Variants in DHRSX observed in about 807,000 individuals in gnomAD.
DHRSX encodes polyprenol dehydrogenase.
Under a neutral mutation model 34.0 loss-of-function variants are expected in DHRSX, and 31 were observed. The observed-to-expected ratio is 0.91, with a 90% CI of 0.69 to 1.23. The LOEUF (loss-of-function observed/expected upper bound fraction) is 1.23, where lower values mean the gene tolerates loss of function less well. Among genes scored for constraint, DHRSX ranks in the 50% most tolerant of loss-of-function variants. DHRSX has a pLI of 0.00. For synonymous variants in DHRSX, 201 were observed against 183.8 expected (o/e 1.09, Z -0.76); for missense variants, 414 against 428.1 (o/e 0.97, Z 0.29).
At chrX:2,485,685 GGAGGC>G in intron 1 of DHRSX, among the ~76,000 whole-genome samples, 2 of 80,216 alleles carry the variant, frequency 2.5e-5, no homozygotes, top group South Asian at 9.7e-4. Context: ...GGGAGGAAAG[GGAGGC>G]AGAGAGGGAG....
chrX:2,440,545 T>TG (rs2044049941), intron 1 of DHRSX, among the ~76,000 whole-genome samples: 1 of 151,658 alleles, frequency 6.6e-6, no homozygotes, highest in African/African-American at 2.4e-5. Flanking sequence ...TTTTTTTTTT[T>TG]GAAACGGAGT....
intron 1 of DHRSX, among the ~76,000 whole-genome samples, chrX:2,484,543 G>A (rs950346560): frequency 1.3e-5 from 2 of 152,152 alleles, no homozygotes; most frequent in African/African-American, 2.4e-5. Flanking sequence ...GAAGAAACGA[G>A]CCAAACCCTG....
At chrX:2,371,145 C>T (rs2043053705) in intron 3 of DHRSX, among the ~76,000 whole-genome samples, 1 of 151,728 alleles carries the variant, frequency 6.6e-6, no homozygotes, top group South Asian at 2.1e-4. Context: ...ACCATAGTCC[C>T]CCCTCCTCCA....
chrX:2,311,248 C>G (rs187236005), intron 3 of DHRSX, among the ~76,000 whole-genome samples: 12 of 151,768 alleles, frequency 7.9e-5, no homozygotes, highest in East Asian at 3.9e-4. Flanking sequence ...GAGAGACATA[C>G]AGAGAGAGAA....
intron 3 of DHRSX, among the ~76,000 whole-genome samples, chrX:2,307,780 T>A (rs1305662303): frequency 6.1e-4 from 66 of 108,372 alleles, no homozygotes; most frequent in Non-Finnish European, 1.2e-3. Flanking sequence ...AAAAAAAAAG[T>A]AATAAAAATA....
intron 1 of DHRSX, 39 bp downstream of exon 1, chrX:2,500,778 G>C (rs2045407958): frequency 1.3e-4 from 59 of 450,742 alleles, no homozygotes; most frequent in Middle Eastern, 2.2e-3. Context: ...GCGCCCACCC[G>C]GGTCCCCGGA....
intron 1 of DHRSX, chrX:2,488,957 A>T: frequency 6.3e-7 from 1 of 1,596,950 alleles, no homozygotes; most frequent in Non-Finnish European, 8.5e-7. Context: ...CCACCACTTG[A>T]GGGGGTCTTC....
rs774909940 is a variant in DHRSX, at chrX:2,395,316, C to T, written c.286+13429G>A. Among the ~76,000 whole-genome samples the T allele has an allele frequency of 2.6e-5, 4 of 152,308 alleles. No individual in the cohort carries two copies. The South Asian group carries it at 6.2e-4, about 24-fold the overall frequency. ...GAGGGTGTCACAGATCAGCACCCAA[C>T]ACACCTCGGCCACTGGGGCCAGCCA... On this transcript the variant is annotated intron_variant, in intron 3 of 6. Coordinates refer to ENST00000334651, the MANE Select transcript of DHRSX (RefSeq NM_145177.3).
intron 1 of DHRSX, chrX:2,490,471 C>T (rs765735279): frequency 9.3e-6 from 15 of 1,613,874 alleles, no homozygotes; most frequent in African/African-American, 2.7e-5. Context: ...GCATCTGCTC[C>T]GTGTTGCTCT....
At chrX:2,348,368 G>T (rs1381991946) in intron 3 of DHRSX, among the ~76,000 whole-genome samples, 1 of 152,170 alleles carries the variant, frequency 6.6e-6, no homozygotes, top group Non-Finnish European at 1.5e-5. Context: ...GTCGCTTGCA[G>T]CCAGGGTTTT....
intron 1 of DHRSX, among the ~76,000 whole-genome samples, chrX:2,479,930 G>T (rs1434416604): frequency 1.3e-5 from 2 of 152,212 alleles, no homozygotes; most frequent in African/African-American, 4.8e-5. Context: ...TGGACACTGG[G>T]AAGACGTTCA....
intron 3 of DHRSX, among the ~76,000 whole-genome samples, chrX:2,401,726 C>T (rs1245160111): frequency 1.3e-5 from 2 of 152,086 alleles, no homozygotes; most frequent in Non-Finnish European, 2.9e-5. Flanking sequence ...GGAGGAGTTT[C>T]GGTAAGTGAA....
intron 5 of DHRSX, among the ~76,000 whole-genome samples, chrX:2,246,878 C>T (rs970875772): frequency 1.3e-5 from 2 of 152,092 alleles, no homozygotes; most frequent in East Asian, 3.9e-4. Context: ...AAGATCAAAG[C>T]AAATGAGAAA....
At chrX:2,382,159 C>T (rs1267133948) in intron 3 of DHRSX, among the ~76,000 whole-genome samples, 2 of 152,162 alleles carry the variant, frequency 1.3e-5, no homozygotes, top group Non-Finnish European at 2.9e-5. Flanking sequence ...TCCATTCCCT[C>T]TTTCTGGGCT....
rs1264716960 is a variant in DHRSX at position 2,317,546 on chromosome X, G to A, written c.287-25943C>T. On this transcript the variant is annotated intron_variant, in intron 3 of 6. Coordinates refer to ENST00000334651, the MANE Select transcript of DHRSX (RefSeq NM_145177.3). ...GGATTACAGGCGTGAGCCACTGCGT[G>A]CGGCCCTGTGCTTTTTCCAAGGATG... Among the ~76,000 whole-genome samples the A allele has an allele frequency of 2.0e-5, 3 of 152,052 alleles. No individual in the cohort carries two copies. The East Asian group carries it at 5.8e-4, about 29-fold the overall frequency.
intron 6 of DHRSX, among the ~76,000 whole-genome samples, chrX:2,225,439 T>C (rs1222087534): frequency 6.6e-6 from 1 of 152,310 alleles, no homozygotes; most frequent in East Asian, 1.9e-4. Context: ...TGCATACTTA[T>C]ACACATGCAA....
chrX:2,296,672 T>C (rs112661627), intron 3 of DHRSX, among the ~76,000 whole-genome samples: 1 of 3,160 alleles, frequency 3.2e-4, no homozygotes, highest in Non-Finnish European at 6.8e-4. Flanking sequence ...CCCAGGCAGA[T>C]AGGAATAGGA....
In DHRSX at chrX:2,336,639, G is replaced by A. The variant is rs768403741; in HGVS notation, c.287-45036C>T. ...TTTGAGACGGAGTTTTGCTGTTGTT[G>A]CCCAGGCTGGAGTGCAAAGGCATGA... On this transcript the variant is annotated intron_variant, in intron 3 of 6. Coordinates refer to ENST00000334651, the MANE Select transcript of DHRSX (RefSeq NM_145177.3). Among the ~76,000 whole-genome samples, 4 of 145,278 alleles carry A rather than the reference G, an allele frequency of 2.8e-5. No homozygotes were observed. The East Asian group carries it at 8.1e-4, about 30-fold the overall frequency.
At chrX:2,243,454 A>G (rs2016192117) in intron 5 of DHRSX, among the ~76,000 whole-genome samples, 2 of 151,958 alleles carry the variant, frequency 1.3e-5, no homozygotes, top group African/African-American at 2.4e-5. Flanking sequence ...TTGGGGTCAG[A>G]TATGTTAAAT....
Sources: gnomAD v4.1 joint callset for allele counts (sites outside exome capture counted in the v4.1 genomes callset) on GRCh38, gnomAD v4.1.1 for gene constraint, MANE v1.5 for transcripts, NCBI Gene and HGNC (gene_info 2026-07-23, HGNC 2026-07-21) for gene names.